The following ZFAND6 variants were observed in gnomAD, a reference collection of about 807,000 sequenced individuals.
The protein encoded by ZFAND6 is zinc finger AN1-type containing 6, also known as AN1-type zinc finger protein 6.
Under a neutral mutation model 24.5 loss-of-function variants are expected in ZFAND6, and 12 were observed. That is an observed-to-expected ratio of 0.49 (90% CI 0.31 to 0.79). ZFAND6 has a LOEUF of 0.79. Ranked by LOEUF, ZFAND6 falls within the 30% of genes least tolerant of loss-of-function variation. The pLI, the probability that ZFAND6 is intolerant of heterozygous loss-of-function variation, is 0.04. For synonymous variants in ZFAND6, 92 were observed against 81.5 expected (o/e 1.13, Z -0.69); for missense variants, 207 against 245.9 (o/e 0.84, Z 1.06).
At chr15:80,071,106 G>T (rs1038055185) in intron 1 of ZFAND6, among the ~76,000 whole-genome samples, 2 of 152,086 alleles carry the variant, frequency 1.3e-5, no homozygotes, top group Non-Finnish European at 1.5e-5. Flanking sequence ...CTTCAGCAGG[G>T]TATTGCTCCA....
At chr15:80,092,160 A>G (rs907066464) in intron 1 of ZFAND6, among the ~76,000 whole-genome samples, 1 of 152,068 alleles carries the variant, frequency 6.6e-6, no homozygotes, top group Non-Finnish European at 1.5e-5. Context: ...AAGAAGATTT[A>G]TAGAAAAAAT....
intron 1 of ZFAND6, among the ~76,000 whole-genome samples, chr15:80,095,050 G>C (rs1045043084): frequency 6.6e-6 from 1 of 152,180 alleles, no homozygotes; most frequent in Admixed American, 6.5e-5. Flanking sequence ...TGGGATTATA[G>C]GCGTGAGCCC....
At chr15:80,103,964 A>G (rs35863112) in intron 2 of ZFAND6, among the ~76,000 whole-genome samples, 87,721 of 151,874 alleles carry the variant, frequency 0.58, 26,825 homozygotes, top group Non-Finnish European at 0.68. Context: ...TTCTCCCACC[A>G]TAGGCTCCTG....
At chr15:80,136,177 C>G (rs2040853534) in intron 6 of ZFAND6, among the ~76,000 whole-genome samples, 1 of 151,714 alleles carries the variant, frequency 6.6e-6, no homozygotes, top group Non-Finnish European at 1.5e-5. Flanking sequence ...TAAAGATAGC[C>G]TTTCTAGGGC....
intron 3 of ZFAND6, among the ~76,000 whole-genome samples, chr15:80,121,361 A>G (rs1385601608): frequency 1.3e-5 from 2 of 152,152 alleles, no homozygotes; most frequent in Admixed American, 1.3e-4. Context: ...TTAATTCTGA[A>G]CCTATATTCT....
intron 1 of ZFAND6, among the ~76,000 whole-genome samples, chr15:80,089,504 C>T (rs1313551315): frequency 6.6e-6 from 1 of 152,022 alleles, no homozygotes; most frequent in African/African-American, 2.4e-5. Context: ...GATCTGCCTG[C>T]CTCAGCCTCC....
At chr15:80,107,041 C>T (rs1320634623) in intron 2 of ZFAND6, among the ~76,000 whole-genome samples, 1 of 151,492 alleles carries the variant, frequency 6.6e-6, no homozygotes. Context: ...GGTGAAACCC[C>T]GTCTCTACTA....
At chr15:80,071,536 C>T (rs533559923) in intron 1 of ZFAND6, among the ~76,000 whole-genome samples, 238 of 152,114 alleles carry the variant, frequency 1.6e-3, no homozygotes, top group South Asian at 2.1e-3. Context: ...AAACTTATCA[C>T]GTAAAAATAG....
At chr15:80,061,743 C>G (rs72630425) in intron 1 of ZFAND6, among the ~76,000 whole-genome samples, 7,597 of 152,210 alleles carry the variant, frequency 0.05, 338 homozygotes, top group East Asian at 0.23. Context: ...AGCAGTCTTG[C>G]TCTGTGAACA....
intron 1 of ZFAND6, among the ~76,000 whole-genome samples, chr15:80,063,146 A>C (rs976220680): frequency 1.3e-5 from 2 of 152,244 alleles, no homozygotes; most frequent in African/African-American, 4.8e-5. Flanking sequence ...AGCAAAGTCC[A>C]CTAGAAATAC....
chr15:80,060,881 A>G (rs2036295839), intron 1 of ZFAND6: 1 of 152,242 alleles, frequency 6.6e-6, no homozygotes, highest in African/African-American at 2.4e-5. Context: ...AGATCGCGCT[A>G]CTGCACTCCA....
At chr15:80,112,697 G>T in intron 2 of ZFAND6, 1 of 447,996 alleles carries the variant, frequency 2.2e-6, no homozygotes, top group South Asian at 1.6e-5. Context: ...CACCTGGCCA[G>T]ATTTTTTTTA....
At chr15:80,120,601 A>G in intron 3 of ZFAND6, 103 bp downstream of exon 3, 1 of 1,005,580 alleles carries the variant, frequency 9.9e-7, no homozygotes, top group Non-Finnish European at 1.3e-6. Flanking sequence ...TATTTATATT[A>G]CCATATTCAT....
intron 4 of ZFAND6, 92 bp from the exon 5 acceptor site, chr15:80,122,608 C>T: frequency 1.3e-6 from 1 of 743,284 alleles, no homozygotes; most frequent in Non-Finnish European, 2.3e-6. Context: ...TCTTAATTAT[C>T]TACTTAGATA....
intron 1 of ZFAND6, among the ~76,000 whole-genome samples, chr15:80,066,819 A>T (rs201090414): frequency 6.7e-6 from 1 of 150,270 alleles, no homozygotes; most frequent in African/African-American, 2.5e-5. Context: ...ATCACTTGAA[A>T]CTTAGAGGCG....
chr15:80,100,349 A>G (rs1363305256), intron 2 of ZFAND6, among the ~76,000 whole-genome samples: 1 of 152,228 alleles, frequency 6.6e-6, no homozygotes, highest in Non-Finnish European at 1.5e-5. Context: ...CCTTTGGAAC[A>G]TACTAATGAA....
At chr15:80,079,926 A>G (rs1197550196) in intron 1 of ZFAND6, among the ~76,000 whole-genome samples, 1 of 152,044 alleles carries the variant, frequency 6.6e-6, no homozygotes, top group Non-Finnish European at 1.5e-5. Flanking sequence ...GCTGGATTAC[A>G]GGCATGAGCC....
chr15:80,111,369 T>C (rs1246297964), intron 2 of ZFAND6: 1 of 385,384 alleles, frequency 2.6e-6, no homozygotes, highest in South Asian at 1.9e-5. Flanking sequence ...GGTTCTTAAC[T>C]CTTGCAGTCA....
At chr15:80,104,731 A>G (rs530904007) in intron 2 of ZFAND6, among the ~76,000 whole-genome samples, 78 of 152,306 alleles carry the variant, frequency 5.1e-4, no homozygotes, top group African/African-American at 1.9e-3. Context: ...TCTTCTTTGC[A>G]TTAGCTCCTT....
Sources: allele counts gnomAD v4.1 joint callset (sites outside exome capture counted in the v4.1 genomes callset), GRCh38; gene constraint gnomAD v4.1.1; transcripts MANE v1.5; gene names NCBI Gene and HGNC (gene_info 2026-07-23, HGNC 2026-07-21).